Variants in STAU2 observed in about 807,000 individuals in gnomAD.
STAU2 encodes the protein double-stranded RNA-binding protein Staufen homolog 2.
Under a neutral mutation model 65.9 loss-of-function variants are expected in STAU2, and 20 were observed. That is an observed-to-expected ratio of 0.30 (90% CI 0.21 to 0.44). The LOEUF is 0.44. STAU2 is among the 20% of genes least tolerant of loss of function. The pLI, the probability that STAU2 is intolerant of heterozygous loss-of-function variation, is 1.00. For synonymous variants in STAU2, 232 were observed against 233.9 expected, an observed-to-expected ratio of 0.99 and a Z score of 0.07; for missense variants, 558 against 683.9, an observed-to-expected ratio of 0.82 and a Z score of 2.05.
At position 73,603,852 on chromosome 8, in the gene STAU2, T is replaced by G; in HGVS notation, c.903A>C (p.Glu301Asp). ...RPKTIVKAGP[E>D]YGQGMNPISR... is the part of the protein sequence containing the mutation. ...TAATAGGGTTCATCCCTTGGCCATATTCTGGTCCGGCCTAAAAATTAATTT... is the reference window on the plus strand; with the variant it reads ...TAATAGGGTTCATCCCTTGGCCATAGTCTGGTCCGGCCTAAAAATTAATTT... The change falls in exon 10 of 15, where the codon GAA becomes GAC. Residue 301 changes from glutamate to aspartate, a missense_variant. This residue lies in a region of STAU2 where 199 missense variants were observed against 299.5 expected (regional missense o/e 0.66). Transcript: ENST00000524300. 1 of 1,597,492 alleles carries G rather than the reference T, an allele frequency of 6.3e-7. No individual in the cohort carries two copies. The highest frequency in any genetic ancestry group is 8.5e-7 in the Non-Finnish European group (1 of 1,175,732).
At chr8:73,527,025 C>T (rs149458541) in intron 13 of STAU2, among the ~76,000 whole-genome samples, 213 of 152,282 alleles carry the variant, frequency 1.4e-3, no homozygotes, top group Non-Finnish European at 2.4e-3. Context: ...TATAATGGTG[C>T]TCCCAGAAGG....
chr8:73,742,118 ACT>A lies in STAU2; in HGVS notation c.-196-2252_-196-2251del, dbSNP rs371391506. 1,377 of 726,722 alleles carry A rather than the reference ACT, an allele frequency of 1.9e-3. 14 individuals are homozygous for A. The African/African-American group carries it at 0.024, about 13-fold the overall frequency. The allele number at this position is 726,722 out of a possible 1,614,324, so 45.0% of individuals were successfully genotyped here. A position where few individuals can be genotyped will look rare whatever the true frequency, so the allele number is the denominator to read the frequency against. ...ATGTTCACAGTGGCACGTCTTTAAG[ACT>A]CTGTTTCTACTTTAAAGACACGCCC... On this transcript the variant is annotated intron_variant, in intron 1 of 14. Coordinates refer to ENST00000524300, the MANE Select transcript of STAU2 (RefSeq NM_001164380.2).
chr8:73,688,692 A>G lies in STAU2; in HGVS notation c.236T>C (p.Val79Ala), dbSNP rs1819121877. ...ALTESTLPKPVQKPPKSNVNN... is the reference protein window; with the variant it reads ...ALTESTLPKPAQKPPKSNVNN... ...AACATTACTTTTGGGTGGCTTCTGA[A>G]CTGGTTTGGGAAGCGTAGATTCAGT... The change falls in exon 5 of 15, where the codon GTT becomes GCT. Residue 79 changes from valine (V) to alanine (A), a missense_variant. By Grantham distance (64) the Val-to-Ala change is moderately conservative. Transcript: ENST00000524300. 1 of 1,614,044 alleles carries G rather than the reference A, an allele frequency of 6.2e-7. No individual in the cohort carries two copies. The highest frequency in any genetic ancestry group is 1.7e-5 in the Admixed American group (1 of 60,006).
At chr8:73,456,537 G>C (rs904161346) in intron 13 of STAU2, among the ~76,000 whole-genome samples, 2 of 152,144 alleles carry the variant, frequency 1.3e-5, no homozygotes, top group African/African-American at 4.8e-5. Context: ...CTAAGTGGGA[G>C]GGGGAGGGAG....
In STAU2 at chr8:73,739,784, T is replaced by A. The variant is rs1023252140; in HGVS notation, c.-112A>T. Reference sequence around the variant, plus strand: ...CTGAGCCTTGGTTCAAATTACTTTGTGTATCTTTGAGTTCTTCTTTTTCTG... The same window carrying A: ...CTGAGCCTTGGTTCAAATTACTTTGAGTATCTTTGAGTTCTTCTTTTTCTG... On this transcript the variant is annotated 5_prime_UTR_variant, in exon 2 of 15. Coordinates refer to ENST00000524300, the MANE Select transcript of STAU2 (RefSeq NM_001164380.2). 3.3e-5 allele frequency: 50 copies of A among 1,523,948 alleles called. 1 individual carries two copies. In the East Asian group the frequency reaches 1.1e-3, roughly 33 times the overall value. The allele number at this position is 1,523,948 out of a possible 1,614,324, so 94.4% of individuals were successfully genotyped here. A position where few individuals can be genotyped will look rare whatever the true frequency, so the allele number is the denominator to read the frequency against.
At chr8:73,555,664 T>C (rs1431831964) in intron 12 of STAU2, among the ~76,000 whole-genome samples, 2 of 129,926 alleles carry the variant, frequency 1.5e-5, no homozygotes, top group African/African-American at 2.5e-5. Context: ...AGCATTTATA[T>C]AATATTTGAT....
chr8:73,746,720 T>C (rs995974510), intron 1 of STAU2, 63 bp downstream of exon 1: 13 of 1,059,942 alleles, frequency 1.2e-5, no homozygotes, highest in Non-Finnish European at 1.6e-5. Flanking sequence ...CAGCGCCCTC[T>C]GCCTTCTTCG....
At chr8:73,577,425 T>C (rs1356367509) in intron 12 of STAU2, among the ~76,000 whole-genome samples, 2 of 126,022 alleles carry the variant, frequency 1.6e-5, no homozygotes, top group African/African-American at 6.7e-5. Context: ...AGACTCCATC[T>C]CAAAAAAAAA....
At chr8:73,654,739 T>G (rs1327652951) in intron 6 of STAU2, among the ~76,000 whole-genome samples, 1 of 120,860 alleles carries the variant, frequency 8.3e-6, no homozygotes, top group Non-Finnish European at 1.6e-5. Context: ...CAGGCTGGAG[T>G]GCAGTGGCAC....
At chr8:73,546,710 A>T (rs1806964130) in intron 13 of STAU2, among the ~76,000 whole-genome samples, 2 of 152,188 alleles carry the variant, frequency 1.3e-5, no homozygotes, top group Non-Finnish European at 2.9e-5. Flanking sequence ...ATGAAATTTC[A>T]GCCACTGTCA....
rs536993463 is a variant in STAU2, at chr8:73,502,747, G to GTGT, written c.1530+49262_1530+49264dup. Among the ~76,000 whole-genome samples, 1,260 of 151,962 alleles carry GTGT rather than the reference G, an allele frequency of 8.3e-3. 12 individuals carry two copies. The highest frequency in any genetic ancestry group is 0.013 in the Non-Finnish European group (908 of 67,944). On this transcript the variant is annotated intron_variant, in intron 13 of 14. Coordinates refer to ENST00000524300, the MANE Select transcript of STAU2 (RefSeq NM_001164380.2). Reference sequence around the variant, plus strand: ...CTTATATATCTCATAGGCCAGTTATGTGTTGTTGTTGTTGTTGTTTACATT... The same window carrying GTGT: ...CTTATATATCTCATAGGCCAGTTATGTGTTGTTGTTGTTGTTGTTGTTTACATT...
chr8:73,680,460 A>T (rs1032823961), intron 5 of STAU2, among the ~76,000 whole-genome samples: 2 of 152,164 alleles, frequency 1.3e-5, no homozygotes, highest in African/African-American at 4.8e-5. Flanking sequence ...GGGATAAAAG[A>T]ATCTGAACAG....
intron 2 of STAU2, among the ~76,000 whole-genome samples, 197 bp downstream of exon 2, chr8:73,739,559 G>C (rs1185954324): frequency 6.6e-6 from 1 of 152,106 alleles, no homozygotes; most frequent in South Asian, 2.1e-4. Flanking sequence ...ATTTTTTCAA[G>C]ATGACAAACT....
At chr8:73,603,148 G>A (rs979205327) in intron 10 of STAU2, among the ~76,000 whole-genome samples, 3 of 152,182 alleles carry the variant, frequency 2.0e-5, no homozygotes, top group Non-Finnish European at 4.4e-5. Flanking sequence ...GGTAGGGGTT[G>A]AAAAGGAGAG....
intron 3 of STAU2, among the ~76,000 whole-genome samples, chr8:73,726,288 A>G (rs957040544): frequency 3.3e-5 from 5 of 152,164 alleles, no homozygotes; most frequent in Admixed American, 2.6e-4. Context: ...GGAAAGGGTG[A>G]AAGTGGTATG....
chr8:73,457,130 G>C (rs114755724), intron 13 of STAU2, among the ~76,000 whole-genome samples: 4,569 of 152,240 alleles, frequency 0.03, 96 homozygotes, highest in African/African-American at 0.061. Context: ...GGCACTGAAA[G>C]GGATAGAAAC....
intron 12 of STAU2, among the ~76,000 whole-genome samples, chr8:73,552,714 T>C (rs957330196): frequency 6.6e-6 from 1 of 152,148 alleles, no homozygotes; most frequent in Non-Finnish European, 1.5e-5. Flanking sequence ...CATACAGCAA[T>C]TGAGGCACAT....
chr8:73,552,096 T>C lies in STAU2; in HGVS notation c.1446A>G (p.Leu482=), dbSNP rs1317514469. 5 of 1,613,648 alleles carry C rather than the reference T, an allele frequency of 3.1e-6. No homozygotes were observed. The highest frequency in any genetic ancestry group is 4.2e-6 in the Non-Finnish European group (5 of 1,179,722). Reference sequence around the variant, plus strand: ...AAGGGGGAGTAGGAGAACTTCCTTTTAAACCTATGGCTTCAGCTGTAGAAG... The same window carrying C: ...AAGGGGGAGTAGGAGAACTTCCTTTCAAACCTATGGCTTCAGCTGTAGAAG... ...GTSSTAEAIG[L]KGSSPTPPCS... The change falls in exon 13 of 15, where the codon TTA becomes TTG. Residue 482 remains leucine, a synonymous_variant. Transcript: ENST00000524300.
intron 6 of STAU2, among the ~76,000 whole-genome samples, chr8:73,622,272 G>A (rs1053072858): frequency 4.1e-5 from 5 of 121,434 alleles, no homozygotes; most frequent in African/African-American, 1.6e-4. Context: ...GACTACAGGC[G>A]CCCGCCACCT....
Sources: allele counts gnomAD v4.1 joint callset (sites outside exome capture counted in the v4.1 genomes callset), GRCh38; gene constraint gnomAD v4.1.1; regional missense constraint gnomAD v4.1.1; transcripts MANE v1.5; gene names NCBI Gene and HGNC (gene_info 2026-07-23, HGNC 2026-07-21).